TNRC6A: variants seen among roughly 807,000 people sequenced by gnomAD.
TNRC6A encodes the protein trinucleotide repeat containing adaptor 6A.
A neutral mutation model predicts 221.2 loss-of-function variants in TNRC6A; 44 were observed. The ratio of observed to expected loss-of-function variants is 0.20; its 90% confidence interval spans 0.16 to 0.26. The LOEUF (loss-of-function observed/expected upper bound fraction) is 0.26. TNRC6A is among the 10% of genes least tolerant of loss of function. The pLI is 1.00. For synonymous variants in TNRC6A, 847 were observed against 838.5 expected (o/e 1.01, Z -0.18); for missense variants, 2,199 against 2,404.4 (o/e 0.91, Z 1.79).
chr16:24,685,446 AC>A (rs2055608225), intron 2 of TNRC6A, among the ~76,000 whole-genome samples: 1 of 151,970 alleles, frequency 6.6e-6, no homozygotes, highest in Non-Finnish European at 1.5e-5. Context: ...AAGTGATCCT[AC>A]CACCTCAGCC....
intron 2 of TNRC6A, among the ~76,000 whole-genome samples, chr16:24,694,437 C>T (rs2055816868): frequency 6.6e-6 from 1 of 151,760 alleles, no homozygotes; most frequent in Non-Finnish European, 1.5e-5. Flanking sequence ...CGGTGGATCA[C>T]GAGGCCAGGA....
intron 1 of TNRC6A, among the ~76,000 whole-genome samples, chr16:24,611,391 G>A (rs917442840): frequency 6.6e-6 from 1 of 152,168 alleles, no homozygotes; most frequent in Non-Finnish European, 1.5e-5. Flanking sequence ...ACATTGCTTG[G>A]GGCCATCAGA....
At chr16:24,730,648 C>A (rs963775965) in intron 2 of TNRC6A, among the ~76,000 whole-genome samples, 9 of 150,476 alleles carry the variant, frequency 6.0e-5, no homozygotes, top group African/African-American at 2.0e-4. Context: ...GCCCTTATGG[C>A]GGGCTGTCAA....
intron 2 of TNRC6A, among the ~76,000 whole-genome samples, chr16:24,713,660 T>C (rs1408620905): frequency 6.7e-6 from 1 of 149,308 alleles, no homozygotes; most frequent in East Asian, 2.3e-4. Context: ...TTTTATTTTT[T>C]TTTTGAGACA....
Sources: allele counts gnomAD v4.1 joint callset (sites outside exome capture counted in the v4.1 genomes callset), GRCh38; gene constraint gnomAD v4.1.1; transcripts MANE v1.5; gene names NCBI Gene and HGNC (gene_info 2026-07-23, HGNC 2026-07-21).